GALNT18: variants seen among roughly 807,000 people sequenced by gnomAD.
GALNT18 encodes polypeptide N-acetylgalactosaminyltransferase 18, also known as GalNAc-transferase 18.
Under a neutral mutation model 69.5 loss-of-function variants are expected in GALNT18, and 44 were observed. That is an observed-to-expected ratio of 0.63 (90% CI 0.50 to 0.81). The LOEUF is 0.81. Among genes scored for constraint, GALNT18 ranks in the 40% least tolerant of loss-of-function variants. The pLI, the probability that GALNT18 is intolerant of heterozygous loss-of-function variation, is 0.00. For synonymous variants in GALNT18, 364 were observed against 318.2 expected (o/e 1.14, Z -1.53); for missense variants, 715 against 810.0 (o/e 0.88, Z 1.42).
intron 1 of GALNT18, among the ~76,000 whole-genome samples, chr11:11,612,956 G>C (rs1285142913): frequency 6.6e-6 from 1 of 152,180 alleles, no homozygotes; most frequent in Non-Finnish European, 1.5e-5. Context: ...CATTTTAGCA[G>C]TGGCTCCATA....
chr11:11,602,550 T>C lies in GALNT18; in HGVS notation c.235+18809A>G, dbSNP rs1282064420. On this transcript the variant is annotated intron_variant, in intron 1 of 10. Coordinates refer to ENST00000227756, the MANE Select transcript of GALNT18 (RefSeq NM_198516.3). This position sits in a 1 kb window ranked among gnomAD's most constrained non-coding sequence, Gnocchi z 4.7. ...GGAGGAAGGGCAATTATGGCTCAAA[T>C]GTCCCAGACTCTTGTTATTACTAAA... 1.3e-5 allele frequency among the ~76,000 whole-genome samples: 2 copies of C among 152,246 alleles called. No individual in the cohort carries two copies. The highest frequency in any genetic ancestry group is 2.9e-5 in the Non-Finnish European group (2 of 68,044).
chr11:11,423,707 C>T (rs1181606593), intron 3 of GALNT18, among the ~76,000 whole-genome samples: 2 of 152,184 alleles, frequency 1.3e-5, no homozygotes, highest in African/African-American at 4.8e-5. Flanking sequence ...ATCAGAGACC[C>T]ATGGTGTACC....
At chr11:11,572,462 G>A (rs754770179) in intron 1 of GALNT18, among the ~76,000 whole-genome samples, 6 of 152,206 alleles carry the variant, frequency 3.9e-5, no homozygotes, top group Admixed American at 6.5e-5. Flanking sequence ...GTAAATAACC[G>A]AGACAGAGTT....
chr11:11,282,435 G>A (rs748690859), intron 10 of GALNT18, among the ~76,000 whole-genome samples: 4 of 152,222 alleles, frequency 2.6e-5, no homozygotes, highest in Admixed American at 1.3e-4. Flanking sequence ...GAGGTAGAGA[G>A]AATAATTATC....
At chr11:11,502,164 C>T (rs1210329670) in intron 1 of GALNT18, among the ~76,000 whole-genome samples, 4 of 152,150 alleles carry the variant, frequency 2.6e-5, no homozygotes, top group Non-Finnish European at 4.4e-5. Context: ...CCTCATAAAG[C>T]GAGGCTCAGA....
chr11:11,546,845 G>A lies in GALNT18; in HGVS notation c.235+74514C>T, dbSNP rs547626954. Reference sequence around the variant, plus strand: ...TCAGATGGATGGATGGGTGGGTTGGGTGTGTGGGTGGGCAGATGAGTAAGT... The same window carrying A: ...TCAGATGGATGGATGGGTGGGTTGGATGTGTGGGTGGGCAGATGAGTAAGT... On this transcript the variant is annotated intron_variant, in intron 1 of 10. Transcript: ENST00000227756. The surrounding 1 kb of genome is among the most constrained non-coding windows in gnomAD (Gnocchi z 5.8). 1.3e-5 allele frequency among the ~76,000 whole-genome samples: 2 copies of A among 152,074 alleles called. No homozygotes were observed. Among genetic ancestry groups the A allele is most frequent in the African/African-American group, 4.8e-5 (2 of 41,482 alleles).
rs1048065225 is a variant in GALNT18, at chr11:11,449,306, G to A, written c.236-370C>T. On this transcript the variant is annotated intron_variant, in intron 1 of 10. Transcript: ENST00000227756. ...CTGGGCATCTGCTTCTCTGTCCCTA[G>A]CCTGTACCCCCATTTCCTGCAATTC... 2.6e-5 allele frequency among the ~76,000 whole-genome samples: 4 copies of A among 152,248 alleles called. No individual in the cohort carries two copies. The South Asian group carries it at 8.3e-4, about 32-fold the overall frequency.
intron 10 of GALNT18, among the ~76,000 whole-genome samples, chr11:11,280,304 C>G (rs1044821643): frequency 6.6e-6 from 1 of 152,130 alleles, no homozygotes; most frequent in Non-Finnish European, 1.5e-5. Context: ...TAGGAAGGGC[C>G]CTGGAATCCC....
At chr11:11,297,281 C>A (rs764350875) in intron 9 of GALNT18, among the ~76,000 whole-genome samples, 1 of 152,228 alleles carries the variant, frequency 6.6e-6, no homozygotes, top group Non-Finnish European at 1.5e-5. Context: ...TTACCTCTTA[C>A]ACTGTGCCAG....
At chr11:11,515,844 G>T (rs1857262198) in intron 1 of GALNT18, among the ~76,000 whole-genome samples, 1 of 152,208 alleles carries the variant, frequency 6.6e-6, no homozygotes, top group African/African-American at 2.4e-5. Flanking sequence ...GCCCTGAAAG[G>T]CCAGGTAGCA....
intron 6 of GALNT18, among the ~76,000 whole-genome samples, chr11:11,364,930 A>G (rs919094420): frequency 4.6e-5 from 7 of 152,218 alleles, no homozygotes; most frequent in Non-Finnish European, 1.0e-4. Flanking sequence ...ACAAGGTAAC[A>G]ACTGCAACGG....
intron 2 of GALNT18, among the ~76,000 whole-genome samples, chr11:11,433,504 C>T (rs1281384273): frequency 6.6e-6 from 1 of 152,200 alleles, no homozygotes; most frequent in Non-Finnish European, 1.5e-5. Flanking sequence ...GACACCTGCA[C>T]CAGGATCTCT....
chr11:11,559,635 GGATGGGATGC>G (rs1858419444), intron 1 of GALNT18, among the ~76,000 whole-genome samples: 1 of 81,298 alleles, frequency 1.2e-5, no homozygotes, highest in Non-Finnish European at 2.4e-5. Context: ...AGACATGATG[GGATGGGATGC>G]GATGGGATGG....
Position 11,377,102 on chromosome 11 carries a change from G to A in GALNT18, c.977+80C>T. ...CATCCCCACGATGGGGCTCAAGTTGGAGAATAAGCATTGGACCAGTAGGCG... is the reference window on the plus strand; with the variant it reads ...CATCCCCACGATGGGGCTCAAGTTGAAGAATAAGCATTGGACCAGTAGGCG... On this transcript the variant is annotated intron_variant, in intron 5 of 10. Transcript: ENST00000227756. This position sits in a 1 kb window ranked among gnomAD's most constrained non-coding sequence, Gnocchi z 4.6. 7.3e-7 allele frequency: 1 copy of A among 1,365,646 alleles called. No individual in the cohort carries two copies. The allele number at this position is 1,365,646 out of a possible 1,614,324, so 84.6% of individuals were successfully genotyped here. A position where few individuals can be genotyped will look rare whatever the true frequency, so the allele number is the denominator to read the frequency against.
Position 11,540,874 on chromosome 11 carries a change from T to C in GALNT18, c.235+80485A>G, listed in dbSNP as rs1857902523. Among the ~76,000 whole-genome samples, 2 of 152,200 alleles carry C rather than the reference T, an allele frequency of 1.3e-5. No homozygotes were observed. Among genetic ancestry groups the C allele is most frequent in the Admixed American group, 6.5e-5 (1 of 15,284 alleles). On this transcript the variant is annotated intron_variant, in intron 1 of 10. Transcript: ENST00000227756. This position sits in a 1 kb window ranked among gnomAD's most constrained non-coding sequence, Gnocchi z 4.6. ...GTGGTGGTGCTGTCTATTCAGACAC[T>C]GGGTTGTCAGAAGGAAAATGGGTTA...
chr11:11,533,805 G>A lies in GALNT18; in HGVS notation c.236-84869C>T, dbSNP rs1210709286. Among the ~76,000 whole-genome samples, 5 of 152,194 alleles carry A rather than the reference G, an allele frequency of 3.3e-5. No individual in the cohort carries two copies. In the East Asian group the frequency reaches 5.8e-4, roughly 18 times the overall value. Reference sequence around the variant, plus strand: ...TGGTATTTTCTCCCAGTGCCATTCCGAGTAGATGCCTCGTTTCTCTGCCTC... The same window carrying A: ...TGGTATTTTCTCCCAGTGCCATTCCAAGTAGATGCCTCGTTTCTCTGCCTC... On this transcript the variant is annotated intron_variant, in intron 1 of 10. Coordinates refer to ENST00000227756, the MANE Select transcript of GALNT18 (RefSeq NM_198516.3).
chr11:11,387,272 T>C lies in GALNT18; in HGVS notation c.596-8008A>G, dbSNP rs1854080450. Among the ~76,000 whole-genome samples the C allele has an allele frequency of 6.6e-6, 1 of 152,206 alleles. No homozygotes were observed. The highest frequency in any genetic ancestry group is 6.5e-5 in the Admixed American group (1 of 15,292). ...CTTGGCCATCTTTGGGTCTGATGTT[T>C]TGGACTGTCCCCTGTCATTTCCCAG... On this transcript the variant is annotated intron_variant, in intron 3 of 10. Coordinates refer to ENST00000227756, the MANE Select transcript of GALNT18 (RefSeq NM_198516.3). The surrounding 1 kb of genome is among the most constrained non-coding windows in gnomAD (Gnocchi z 4.6).
chr11:11,379,042 C>G (rs1853842947), intron 4 of GALNT18, 39 bp downstream of exon 4: 1 of 1,514,294 alleles, frequency 6.6e-7, no homozygotes, highest in Non-Finnish European at 8.8e-7. Flanking sequence ...AGCCCCAGAT[C>G]CCACTGGGAC....
chr11:11,563,884 C>T lies in GALNT18; in HGVS notation c.235+57475G>A, dbSNP rs999437516. On this transcript the variant is annotated intron_variant, in intron 1 of 10. Transcript: ENST00000227756. The surrounding 1 kb of genome is among the most constrained non-coding windows in gnomAD (Gnocchi z 4.6). ...TTTGGGAGCAAATTTTTGCAAAGCT[C>T]CCCAAAGCATTTTGAGTTCTGAAAG... Among the ~76,000 whole-genome samples, 4 of 152,146 alleles carry T rather than the reference C, an allele frequency of 2.6e-5. No homozygotes were observed. The highest frequency in any genetic ancestry group is 5.9e-5 in the Non-Finnish European group (4 of 68,032).
Sources: allele counts gnomAD v4.1 joint callset (sites outside exome capture counted in the v4.1 genomes callset), GRCh38; gene constraint gnomAD v4.1.1; non-coding constraint Gnocchi (gnomAD v3.1); transcripts MANE v1.5; gene names NCBI Gene and HGNC (gene_info 2026-07-23, HGNC 2026-07-21).